Variants in AHCYL2 observed in about 807,000 individuals in gnomAD.
AHCYL2 encodes S-adenosylhomocysteine hydrolase-like protein 2.
AHCYL2 carries 28 observed loss-of-function variants against 81.4 expected under a neutral mutation model. That is an observed-to-expected ratio of 0.34 (90% CI 0.25 to 0.47). AHCYL2 has a LOEUF of 0.47. AHCYL2 is among the 20% of genes least tolerant of loss of function. The pLI, the probability that AHCYL2 is intolerant of heterozygous loss-of-function variation, is 1.00. For synonymous variants in AHCYL2, 272 were observed against 290.2 expected (o/e 0.94, Z 0.64); for missense variants, 551 against 785.1 (o/e 0.70, Z 3.56).
At chr7:129,339,021 T>A (rs1380655749) in intron 1 of AHCYL2, among the ~76,000 whole-genome samples, 1 of 152,216 alleles carries the variant, frequency 6.6e-6, no homozygotes, top group African/African-American at 2.4e-5. Context: ...TTCAACTTGC[T>A]CCTTTCCTTT....
rs1262608706 is a variant in AHCYL2 at position 129,389,182 on chromosome 7, T to C, written c.602T>C (p.Ile201Thr). 1.2e-6 allele frequency: 2 copies of C among 1,613,736 alleles called. No homozygotes were observed. Among genetic ancestry groups the C allele is most frequent in the African/African-American group, 2.7e-5 (2 of 74,884 alleles). Residue 201 changes from isoleucine (I) to threonine (T), a missense_variant, in exon 3 of 17, where the codon ATT (isoleucine) becomes ACT (threonine). Ile to Thr is a moderately conservative substitution (Grantham distance 89, BLOSUM62 -1). This residue lies in a region of AHCYL2 where 316 missense variants were observed against 543.1 expected (regional missense o/e 0.58). Coordinates refer to ENST00000325006, the MANE Select transcript of AHCYL2 (RefSeq NM_015328.4). Reference protein sequence around the residue: ...IKQAEFGRREIEIAEQEMPAL... With the variant: ...IKQAEFGRRETEIAEQEMPAL... ...CAGGCAGAGTTTGGACGAAGAGAAATTGAAATTGCTGAACAAGGTAAAGAA... is the reference window on the plus strand; with the variant it reads ...CAGGCAGAGTTTGGACGAAGAGAAACTGAAATTGCTGAACAAGGTAAAGAA...
At chr7:129,279,286 A>T (rs1796341591) in intron 1 of AHCYL2, among the ~76,000 whole-genome samples, 1 of 149,322 alleles carries the variant, frequency 6.7e-6, no homozygotes, top group South Asian at 2.1e-4. Context: ...AGTAGCTGGG[A>T]TTACAGACGC....
chr7:129,230,092 T>A lies in AHCYL2; in HGVS notation c.363+4653T>A, dbSNP rs1035777268. 7.5e-4 allele frequency among the ~76,000 whole-genome samples: 110 copies of A among 146,820 alleles called. 1 individual carries two copies. The highest frequency in any genetic ancestry group is 2.7e-3 in the African/African-American group (107 of 39,940). On this transcript the variant is annotated intron_variant, in intron 1 of 16. Coordinates refer to ENST00000325006, the MANE Select transcript of AHCYL2 (RefSeq NM_015328.4). ...TTTTATTTAATTCTTTTTTTTTTTT[T>A]TTTTTTTTTTGAGACCAAGTCTCGC...
intron 1 of AHCYL2, among the ~76,000 whole-genome samples, chr7:129,320,984 T>C (rs980320014): frequency 1.5e-4 from 23 of 152,246 alleles, no homozygotes; most frequent in African/African-American, 3.4e-4. Context: ...GTTTATCCAG[T>C]CATCAGTTGA....
At chr7:129,292,679 A>G (rs1796908635) in intron 1 of AHCYL2, among the ~76,000 whole-genome samples, 1 of 152,124 alleles carries the variant, frequency 6.6e-6, no homozygotes, top group Non-Finnish European at 1.5e-5. Flanking sequence ...AGGCAGGAGA[A>G]TTGCTGGAAC....
chr7:129,364,865 G>A (rs536970501), intron 1 of AHCYL2, among the ~76,000 whole-genome samples: 23 of 152,154 alleles, frequency 1.5e-4, no homozygotes, highest in East Asian at 7.7e-4. Flanking sequence ...AGGACTTCTC[G>A]TCAAATAAGT....
At chr7:129,256,350 A>G (rs1795419323) in intron 1 of AHCYL2, among the ~76,000 whole-genome samples, 1 of 152,200 alleles carries the variant, frequency 6.6e-6, no homozygotes, top group South Asian at 2.1e-4. Flanking sequence ...CCCTTCCTTG[A>G]GAGTAACTAG....
intron 1 of AHCYL2, among the ~76,000 whole-genome samples, chr7:129,358,226 T>C (rs539127885): frequency 1.3e-5 from 2 of 151,820 alleles, no homozygotes; most frequent in East Asian, 3.9e-4. Context: ...ACCCCGTCTC[T>C]ACTAAACATA....
intron 1 of AHCYL2, among the ~76,000 whole-genome samples, chr7:129,359,752 C>T (rs1387560828): frequency 6.6e-6 from 1 of 152,182 alleles, no homozygotes; most frequent in Non-Finnish European, 1.5e-5. Context: ...AAACTGAACC[C>T]TGACCTAAGT....
At chr7:129,285,815 A>G (rs1796611606) in intron 1 of AHCYL2, among the ~76,000 whole-genome samples, 1 of 151,270 alleles carries the variant, frequency 6.6e-6, no homozygotes, top group Non-Finnish European at 1.5e-5. Context: ...GGCTCAAGCA[A>G]TCCTCCCACC....
At chr7:129,319,449 CAAAAAAA>C (rs1034674188) in intron 1 of AHCYL2, among the ~76,000 whole-genome samples, 14 of 125,618 alleles carry the variant, frequency 1.1e-4, no homozygotes, top group Admixed American at 4.1e-4. Flanking sequence ...GACTCTGTCG[CAAAAAAA>C]AAAAAGAAAA....
At chr7:129,351,401 A>G (rs1793559012) in intron 1 of AHCYL2, 1 of 152,210 alleles carries the variant, frequency 6.6e-6, no homozygotes, top group South Asian at 2.1e-4. Context: ...CATACATTCC[A>G]TTTATTCAGC....
intron 1 of AHCYL2, among the ~76,000 whole-genome samples, chr7:129,271,572 G>A (rs1796018889): frequency 6.6e-6 from 1 of 152,094 alleles, no homozygotes; most frequent in South Asian, 2.1e-4. Context: ...GAAGCCAGAT[G>A]TAAAATAATA....
Position 129,268,604 on chromosome 7 carries a change from G to A in AHCYL2, c.363+43165G>A, listed in dbSNP as rs142658372. On this transcript the variant is annotated intron_variant, in intron 1 of 16. Coordinates refer to ENST00000325006, the MANE Select transcript of AHCYL2 (RefSeq NM_015328.4). Reference sequence around the variant, plus strand: ...CCTGACCTTAGGATCCACCCGCTTCGGCCTCCCAAAGTGTTGGGATTATAG... The same window carrying A: ...CCTGACCTTAGGATCCACCCGCTTCAGCCTCCCAAAGTGTTGGGATTATAG... Among the ~76,000 whole-genome samples, 398 of 152,178 alleles carry A rather than the reference G, an allele frequency of 2.6e-3. 3 individuals are homozygous for A. Among genetic ancestry groups the A allele is most frequent in the Non-Finnish European group, 4.9e-3 (335 of 68,008 alleles).
chr7:129,370,566 C>A (rs181772709), intron 1 of AHCYL2, among the ~76,000 whole-genome samples: 2 of 152,054 alleles, frequency 1.3e-5, no homozygotes, highest in Non-Finnish European at 2.9e-5. Flanking sequence ...GGCGTGGTGG[C>A]GGGCGCCTAT....
intron 12 of AHCYL2, among the ~76,000 whole-genome samples, chr7:129,421,336 T>C (rs1253038556): frequency 6.6e-6 from 1 of 152,150 alleles, no homozygotes; most frequent in East Asian, 1.9e-4. Context: ...CTGTAGTACC[T>C]TTTTAAAAAA....
chr7:129,284,081 C>T (rs761511278), intron 1 of AHCYL2, among the ~76,000 whole-genome samples: 1 of 151,932 alleles, frequency 6.6e-6, no homozygotes, highest in Non-Finnish European at 1.5e-5. Context: ...TCCAGGACTT[C>T]CTGGGGTAGG....
intron 1 of AHCYL2, among the ~76,000 whole-genome samples, chr7:129,340,526 C>T (rs988870389): frequency 1.3e-5 from 2 of 150,640 alleles, no homozygotes; most frequent in African/African-American, 4.9e-5. Context: ...CGAGATCGCG[C>T]CACTGCACTC....
chr7:129,345,883 G>A (rs188536939), intron 1 of AHCYL2, among the ~76,000 whole-genome samples: 1 of 151,964 alleles, frequency 6.6e-6, no homozygotes, highest in African/African-American at 2.4e-5. Flanking sequence ...GAGCAGGTTT[G>A]GGGGGGTAAG....
Sources: allele counts gnomAD v4.1 joint callset (sites outside exome capture counted in the v4.1 genomes callset), GRCh38; gene constraint gnomAD v4.1.1; regional missense constraint gnomAD v4.1.1; transcripts MANE v1.5; gene names NCBI Gene and HGNC (gene_info 2026-07-23, HGNC 2026-07-21).